MYO3B: variants seen among roughly 807,000 people sequenced by gnomAD.
MYO3B encodes the protein myosin IIIB.
In MYO3B, 156 loss-of-function variants were observed where a neutral mutation model predicts 174.6. The ratio of observed to expected loss-of-function variants is 0.89; its 90% CI spans 0.78 to 1.02. The LOEUF is 1.02. MYO3B is among the 50% of genes least tolerant of loss of function. The probability of loss-of-function intolerance (pLI) is 0.00; values close to 1 mark genes in which losing one functional copy is unlikely to be tolerated. For synonymous variants in MYO3B, 563 were observed against 569.1 expected, an observed-to-expected ratio of 0.99 and a Z score of 0.15; for missense variants, 1,632 against 1,639.4, an observed-to-expected ratio of 1.00 and a Z score of 0.08.
intron 22 of MYO3B, among the ~76,000 whole-genome samples, chr2:170,416,933 C>T (rs1330976658): frequency 6.7e-6 from 1 of 150,008 alleles, no homozygotes; most frequent in Non-Finnish European, 1.5e-5. Context: ...TCAAGCAATT[C>T]TCCTGCCTCA....
intron 1 of MYO3B, among the ~76,000 whole-genome samples, chr2:170,182,668 G>T (rs2092416120): frequency 6.8e-6 from 1 of 146,762 alleles, no homozygotes; most frequent in Admixed American, 7.0e-5. Context: ...GTGGAGTGCA[G>T]TGGCGTGATC....
At chr2:170,285,957 A>G (rs1518726) in intron 7 of MYO3B, among the ~76,000 whole-genome samples, 125,424 of 152,060 alleles carry the variant, frequency 0.82, 52,213 homozygotes, top group East Asian at 0.96. Flanking sequence ...TTACTGATTA[A>G]TGTTTTACCA....
intron 3 of MYO3B, among the ~76,000 whole-genome samples, chr2:170,203,685 T>C (rs1250533989): frequency 6.6e-6 from 1 of 152,166 alleles, no homozygotes; most frequent in Non-Finnish European, 1.5e-5. Context: ...GTTTATCAGG[T>C]TAACAAATCA....
chr2:170,364,388 TCTTTTG>T, intron 8 of MYO3B, among the ~76,000 whole-genome samples: 1 of 152,312 alleles, frequency 6.6e-6, no homozygotes, highest in African/African-American at 2.4e-5. Context: ...TTTTCCAAAC[TCTTTTG>T]ACTAGGAAAC....
At chr2:170,533,809 T>C (rs7562283) in intron 30 of MYO3B, among the ~76,000 whole-genome samples, 2,647 of 152,288 alleles carry the variant, frequency 0.017, 59 homozygotes, top group East Asian at 0.1. Context: ...TAAAACCTTG[T>C]CTTGTGTGTT....
At chr2:170,459,009 C>T (rs1215023411) in intron 23 of MYO3B, among the ~76,000 whole-genome samples, 1 of 152,132 alleles carries the variant, frequency 6.6e-6, no homozygotes, top group African/African-American at 2.4e-5. Flanking sequence ...TTGTTCCTCC[C>T]GTCCGGAGTT....
chr2:170,320,055 A>G (rs1041331300), intron 7 of MYO3B, among the ~76,000 whole-genome samples: 2 of 152,208 alleles, frequency 1.3e-5, no homozygotes, highest in Non-Finnish European at 2.9e-5. Context: ...AGAAATGGTA[A>G]CTGAAGTCCA....
chr2:170,430,010 GTT>G (rs67405522), intron 22 of MYO3B, among the ~76,000 whole-genome samples: 33,723 of 142,036 alleles, frequency 0.24, 4,513 homozygotes, highest in Middle Eastern at 0.32. Flanking sequence ...TTATACACAG[GTT>G]TTTTTTTTTT....
intron 30 of MYO3B, among the ~76,000 whole-genome samples, chr2:170,532,338 G>A (rs1277167041): frequency 2.6e-5 from 4 of 152,168 alleles, no homozygotes; most frequent in Non-Finnish European, 5.9e-5. Context: ...TGCAATAGAT[G>A]ATCTAGGAAT....
At chr2:170,618,090 A>G (rs574470889) in intron 32 of MYO3B, among the ~76,000 whole-genome samples, 180 of 152,320 alleles carry the variant, frequency 1.2e-3, no homozygotes, top group African/African-American at 4.2e-3. Flanking sequence ...AATGAGAGAC[A>G]TACATTAGTG....
intron 30 of MYO3B, chr2:170,524,633 G>T (rs951832507): frequency 1.5e-5 from 5 of 330,488 alleles, no homozygotes; most frequent in Non-Finnish European, 3.0e-5. Context: ...ACAGGTGCGT[G>T]CCATAACACC....
At chr2:170,467,427 C>A (rs1484092310) in intron 25 of MYO3B, among the ~76,000 whole-genome samples, 2 of 151,734 alleles carry the variant, frequency 1.3e-5, no homozygotes, top group African/African-American at 2.4e-5. Context: ...GTGCCTTTGC[C>A]TAAGAATGAA....
chr2:170,413,465 A>G (rs970121839), intron 22 of MYO3B, among the ~76,000 whole-genome samples: 4 of 151,866 alleles, frequency 2.6e-5, no homozygotes, highest in Admixed American at 6.5e-5. Flanking sequence ...GCTGATCTGA[A>G]CTGCCGTGAG....
chr2:170,539,528 G>C (rs754523586), intron 30 of MYO3B, among the ~76,000 whole-genome samples: 3 of 152,174 alleles, frequency 2.0e-5, no homozygotes, highest in Non-Finnish European at 4.4e-5. Context: ...TTAGCCACCT[G>C]TATGGTGGTA....
At chr2:170,566,917 T>C (rs1692109641) in intron 32 of MYO3B, among the ~76,000 whole-genome samples, 1 of 152,178 alleles carries the variant, frequency 6.6e-6, no homozygotes, top group South Asian at 2.1e-4. Flanking sequence ...GCAGTAACCC[T>C]GATGAAGAAC....
intron 5 of MYO3B, 122 bp from the exon 6 acceptor site, chr2:170,217,196 AC>A (rs1330116816): frequency 1.3e-6 from 1 of 795,298 alleles, no homozygotes; most frequent in East Asian, 2.4e-5. Context: ...AGTAGTTGTG[AC>A]AGAGACCATA....
intron 9 of MYO3B, among the ~76,000 whole-genome samples, chr2:170,375,933 A>G (rs938512104): frequency 6.6e-6 from 1 of 152,160 alleles, no homozygotes; most frequent in Non-Finnish European, 1.5e-5. Flanking sequence ...ATCTATACCT[A>G]TATCTGTCTA....
intron 7 of MYO3B, among the ~76,000 whole-genome samples, chr2:170,329,230 AGTGTGTGTGTGT>A (rs72422629): frequency 6.0e-4 from 89 of 148,660 alleles, no homozygotes; most frequent in Non-Finnish European, 9.1e-4. Context: ...ACAGAAAAAC[AGTGTGTGTGTGT>A]GTGTGTGTGT....
chr2:170,550,240 A>G (rs78650162), intron 32 of MYO3B, among the ~76,000 whole-genome samples: 1,969 of 152,264 alleles, frequency 0.013, 51 homozygotes, highest in East Asian at 0.089. Context: ...TTCTCAGTAA[A>G]ATGACAAAGG....
Sources: gnomAD v4.1 joint callset for allele counts (sites outside exome capture counted in the v4.1 genomes callset) on GRCh38, gnomAD v4.1.1 for gene constraint, MANE v1.5 for transcripts, NCBI Gene and HGNC (gene_info 2026-07-23, HGNC 2026-07-21) for gene names.